Variants in PIAS3 observed in about 807,000 individuals in gnomAD.
PIAS3 encodes the protein protein inhibitor of activated STAT 3, also known as E3 SUMO-protein ligase PIAS3.
In PIAS3, 34 loss-of-function variants were observed where a neutral mutation model predicts 67.6. The ratio of observed to expected loss-of-function variants is 0.50; its 90% CI spans 0.38 to 0.67. The LOEUF is 0.67. PIAS3 is among the 30% of genes least tolerant of loss of function. PIAS3 has a pLI of 0.00. For synonymous variants in PIAS3, 341 were observed against 313.8 expected (o/e 1.09, Z -0.92); for missense variants, 693 against 791.6 (o/e 0.88, Z 1.49).
At chr1:145,855,474 ACT>A (rs1653129803) in intron 5 of PIAS3, among the ~76,000 whole-genome samples, 1 of 147,202 alleles carries the variant, frequency 6.8e-6, no homozygotes, top group Admixed American at 6.8e-5. Flanking sequence ...AGAGCGAGTG[ACT>A]CTGTCTCAAA....
rs147282600 is a variant in PIAS3, at chr1:145,849,606, G to T, written c.1727C>A (p.Thr576Lys). The T allele has an allele frequency of 9.9e-6, 16 of 1,613,294 alleles. No individual in the cohort carries two copies. The highest frequency in any genetic ancestry group is 1.4e-5 in the Non-Finnish European group (16 of 1,179,706). The change falls in exon 14 of 14, where the codon ACG becomes AAG. Residue 576 changes from threonine to lysine, a missense_variant. By Grantham distance (78) the Thr-to-Lys change is moderately conservative (BLOSUM62 -1). Transcript: ENST00000393045. ...GGCGCTGCAGTGGGAGCTCCCCAGC[G>T]TGGGGGCCAGTGGGCCCAGAAAGTG... ...PSHFLGPLAP[T>K]LGSSHCSATP...
chr1:145,853,418 AAAAAAGAAAAG>A, intron 9 of PIAS3, 75 bp downstream of exon 9: 4 of 1,186,448 alleles, frequency 3.4e-6, no homozygotes, highest in Non-Finnish European at 4.7e-6. Flanking sequence ...TCAAAAAAAA[AAAAAAGAAAAG>A]AAAAAGAAAA....
intron 13 of PIAS3, 49 bp downstream of exon 13, chr1:145,850,183 G>A (rs1257466736): frequency 4.3e-6 from 7 of 1,613,240 alleles, no homozygotes; most frequent in Non-Finnish European, 5.1e-6. Context: ...TCAGTGTCTA[G>A]AAAGGAAGCT....
intron 7 of PIAS3, 148 bp from the exon 8 acceptor site, chr1:145,854,034 T>C: frequency 1.5e-6 from 1 of 648,738 alleles, no homozygotes; most frequent in East Asian, 2.7e-5. Context: ...GGAAGTGGTC[T>C]GGGATATGGA....
In PIAS3 at chr1:145,850,223, AC is replaced by A; in HGVS notation, c.1620+8del. On this transcript the variant is annotated splice_region_variant and intron_variant, in intron 13 of 13. Coordinates refer to ENST00000393045, the MANE Select transcript of PIAS3 (RefSeq NM_006099.3). ...AGATCTGAGACCTTCTGAAGAAAGAACCACTTACCTGACTCTCTGTCTGAAG... is the reference window on the plus strand; with the variant it reads ...AGATCTGAGACCTTCTGAAGAAAGAACACTTACCTGACTCTCTGTCTGAAG... The A allele has an allele frequency of 6.2e-7, 1 of 1,614,172 alleles. No homozygotes were observed. The highest frequency in any genetic ancestry group is 8.5e-7 in the Non-Finnish European group (1 of 1,180,030).
chr1:145,856,200 A>G lies in PIAS3; in HGVS notation c.528-82T>C, dbSNP rs1190967018. On this transcript the variant is annotated intron_variant, in intron 3 of 13. Transcript: ENST00000393045. Reference sequence around the variant, plus strand: ...TGAATGCACAGAAAGGCTGAAAGTCAGATGTCCAGGAGATAGAGAAGAGAC... The same window carrying G: ...TGAATGCACAGAAAGGCTGAAAGTCGGATGTCCAGGAGATAGAGAAGAGAC... 3.7e-6 allele frequency: 5 copies of G among 1,345,868 alleles called. No individual in the cohort carries two copies. The African/African-American group carries it at 5.8e-5, about 15-fold the overall frequency. 83.4% of individuals were successfully genotyped at this position (1,345,868 alleles called of 1,614,324 possible).
chr1:145,849,894 C>A, intron 13 of PIAS3, 182 bp from the exon 14 acceptor site: 1 of 1,449,708 alleles, frequency 6.9e-7, no homozygotes, highest in South Asian at 1.5e-5. Flanking sequence ...CTTTCCCTGC[C>A]TTGAGAGAGC....
chr1:145,856,033 T>TG (rs1553735515), intron 4 of PIAS3, 35 bp downstream of exon 4: 1 of 1,577,048 alleles, frequency 6.3e-7, no homozygotes, highest in East Asian at 2.2e-5. Context: ...CTACCCCCAG[T>TG]GGGTACCCAG....
intron 1 of PIAS3, among the ~76,000 whole-genome samples, chr1:145,857,802 C>T (rs1295403928): frequency 6.6e-6 from 1 of 152,194 alleles, no homozygotes; most frequent in Non-Finnish European, 1.5e-5. Context: ...TCTGGCATCT[C>T]TCCTACACAG....
At chr1:145,850,416 T>G in intron 12 of PIAS3, 37 bp downstream of exon 12, 1 of 1,612,824 alleles carries the variant, frequency 6.2e-7, no homozygotes, top group Non-Finnish European at 8.5e-7. Context: ...GGGGAGGGTG[T>G]GGCAGTGCAG....
In PIAS3 at chr1:145,856,831, C is replaced by T. The variant is rs782451849; in HGVS notation, c.200G>A (p.Arg67Gln). Reference protein sequence around the residue: ...IKELYRRRFPRKTLGPSDLSL... With the variant: ...IKELYRRRFPQKTLGPSDLSL... ...GAGATCAGAGGGCCCCAGGGTCTTC[C>T]GGGGAAAGCGTCGTCGGTAAAGCTC... The change falls in exon 2 of 14, where the codon CGG (arginine) becomes CAG (glutamine). Residue 67 changes from arginine (R) to glutamine (Q), a missense_variant. Coordinates refer to ENST00000393045, the MANE Select transcript of PIAS3 (RefSeq NM_006099.3). 45 of 1,613,920 alleles carry T rather than the reference C, an allele frequency of 2.8e-5. 1 individual carries two copies. The South Asian group carries it at 2.9e-4, about 10-fold the overall frequency.
intron 9 of PIAS3, among the ~76,000 whole-genome samples, chr1:145,853,131 TG>T (rs1479956901): frequency 1.7e-4 from 26 of 152,092 alleles, no homozygotes; most frequent in African/African-American, 5.8e-4. Context: ...TATTATAGGC[TG>T]GGCATGTTGT....
intron 1 of PIAS3, among the ~76,000 whole-genome samples, chr1:145,858,397 T>C (rs1653279735): frequency 2.0e-5 from 3 of 152,072 alleles, no homozygotes; most frequent in African/African-American, 7.2e-5. Flanking sequence ...GACCTTCCTC[T>C]GAGCCTCCAG....
chr1:145,856,353 G>C lies in PIAS3; in HGVS notation c.521C>G (p.Thr174Arg), dbSNP rs1481842683. 1 of 1,613,066 alleles carries C rather than the reference G, an allele frequency of 6.2e-7. No individual in the cohort carries two copies. The highest frequency in any genetic ancestry group is 8.5e-7 in the Non-Finnish European group (1 of 1,178,986). The change falls in exon 3 of 14, where the codon ACA becomes AGA. Residue 174 changes from threonine to arginine, a missense_variant. Thr to Arg is a moderately conservative substitution (Grantham distance 71). Transcript: ENST00000393045. ...LTPQQVQQIL[T>R]SREVLPGAKC... is the part of the protein sequence containing the mutation. ...AAGACTGGAAGAGATGTACCTGGAT[G>C]TAAGAATCTGCTGCACTTGCTGGGG...
chr1:145,854,380 G>A (rs1653077517), intron 7 of PIAS3, 78 bp downstream of exon 7: 1 of 983,330 alleles, frequency 1.0e-6, no homozygotes, highest in South Asian at 1.3e-5. Context: ...AAGAGGTATG[G>A]GTTTAATTAT....
Position 145,856,887 on chromosome 1 carries a change from G to A in PIAS3, c.144C>T (p.Ser48=). Residue 48 remains serine, a synonymous_variant, in exon 2 of 14, where the codon AGC becomes AGT. Coordinates refer to ENST00000393045, the MANE Select transcript of PIAS3 (RefSeq NM_006099.3). The stretch of plus-strand genomic sequence containing the variant: ...TCTTCATCTGGACACTAGGGGCACA[G>A]CTGGACTTCAGGAGGTGCAGAGCCT... ...LAKALHLLKS[S]CAPSVQMKIK... The A allele has an allele frequency of 6.2e-7, 1 of 1,614,204 alleles. No individual in the cohort carries two copies. Among genetic ancestry groups the A allele is most frequent in the Non-Finnish European group, 8.5e-7 (1 of 1,180,020 alleles).
At chr1:145,853,157 C>T (rs1553734713) in intron 9 of PIAS3, among the ~76,000 whole-genome samples, 1 of 152,050 alleles carries the variant, frequency 6.6e-6, no homozygotes, top group African/African-American at 2.4e-5. Context: ...TGCCTGTAAT[C>T]CCAGCACTTT....
Position 145,856,585 on chromosome 1 carries a change from A to G in PIAS3, c.442+4T>C, listed in dbSNP as rs1553735672. 6.4e-7 allele frequency: 1 copy of G among 1,568,578 alleles called. No homozygotes were observed. Among genetic ancestry groups the G allele is most frequent in the Admixed American group, 1.8e-5 (1 of 54,940 alleles). On this transcript the variant is annotated splice_donor_region_variant and intron_variant, in intron 2 of 13. Transcript: ENST00000393045. Reference sequence around the variant, plus strand: ...GAAGACTAAGGGACCACAAAGAGCCATACCAAGGGTGGTGGGCCGGATGAG... The same window carrying G: ...GAAGACTAAGGGACCACAAAGAGCCGTACCAAGGGTGGTGGGCCGGATGAG...
At chr1:145,858,303 GCTTCCCCTATAA>G (rs1653274470) in intron 1 of PIAS3, among the ~76,000 whole-genome samples, 2 of 151,766 alleles carry the variant, frequency 1.3e-5, no homozygotes, top group Admixed American at 6.6e-5. Context: ...TTCTCCATTA[GCTTCCCCTATAA>G]CTTCCCACCT....
Sources: allele counts gnomAD v4.1 joint callset (sites outside exome capture counted in the v4.1 genomes callset), GRCh38; gene constraint gnomAD v4.1.1; transcripts MANE v1.5; gene names NCBI Gene and HGNC (gene_info 2026-07-23, HGNC 2026-07-21).